The following LMOD1 variants were observed in gnomAD, a reference collection of about 807,000 sequenced individuals.
The protein encoded by LMOD1 is leiomodin 1, also known as leiomodin-1.
In LMOD1, 8 loss-of-function variants were observed where a neutral mutation model predicts 36.5. That is an observed-to-expected ratio of 0.22 (90% CI 0.13 to 0.40). The LOEUF is 0.40. Among genes scored for constraint, LMOD1 ranks in the 10% least tolerant of loss-of-function variants. The pLI is 1.00. For missense variants in LMOD1, 630 were observed against 751.1 expected (o/e 0.84, Z 1.88); for synonymous variants, 284 against 288.7 (o/e 0.98, Z 0.17).
At chr1:201,933,757 C>T (rs1010897905) in intron 1 of LMOD1, among the ~76,000 whole-genome samples, 6 of 151,448 alleles carry the variant, frequency 4.0e-5, no homozygotes, top group Admixed American at 3.3e-4. Flanking sequence ...TGAAACTCCA[C>T]ACTTTTGTGC....
At chr1:201,925,679 TTC>T (rs1553298067) in intron 1 of LMOD1, among the ~76,000 whole-genome samples, 1 of 151,316 alleles carries the variant, frequency 6.6e-6, no homozygotes, top group Non-Finnish European at 1.5e-5. Flanking sequence ...TTTTTTTTTT[TTC>T]AATCTCTTTC....
At chr1:201,921,235 A>C (rs1255215257) in intron 1 of LMOD1, among the ~76,000 whole-genome samples, 1 of 152,102 alleles carries the variant, frequency 6.6e-6, no homozygotes, top group African/African-American at 2.4e-5. Flanking sequence ...CACACCTGTA[A>C]TCCCAGCACT....
At chr1:201,931,406 G>A (rs554582758) in intron 1 of LMOD1, among the ~76,000 whole-genome samples, 4 of 152,082 alleles carry the variant, frequency 2.6e-5, no homozygotes, top group East Asian at 1.9e-4. Flanking sequence ...GTGGCGGTGC[G>A]TGCCTGTAAT....
chr1:201,925,829 C>T (rs1681818659), intron 1 of LMOD1, among the ~76,000 whole-genome samples: 1 of 151,968 alleles, frequency 6.6e-6, no homozygotes, highest in Admixed American at 6.6e-5. Context: ...CTCAGTTTCC[C>T]AAGTAGCTGG....
intron 1 of LMOD1, among the ~76,000 whole-genome samples, chr1:201,923,991 A>T (rs1681755007): frequency 6.6e-6 from 1 of 151,538 alleles, no homozygotes; most frequent in Non-Finnish European, 1.5e-5. Flanking sequence ...AAAGAAAAAG[A>T]AAAGAAAGAA....
At chr1:201,938,925 C>CAA (rs1325514572) in intron 1 of LMOD1, among the ~76,000 whole-genome samples, 5 of 152,164 alleles carry the variant, frequency 3.3e-5, no homozygotes, top group Admixed American at 1.3e-4. Context: ...GAATCCACCT[C>CAA]AAAATCTTCT....
chr1:201,913,812 G>A (rs979394983), intron 1 of LMOD1, among the ~76,000 whole-genome samples: 12 of 151,972 alleles, frequency 7.9e-5, no homozygotes, highest in African/African-American at 2.9e-4. Context: ...TCCTGTTTAA[G>A]GCTGAATAGT....
intron 1 of LMOD1, among the ~76,000 whole-genome samples, chr1:201,912,732 G>A (rs1333448647): frequency 2.0e-5 from 3 of 152,004 alleles, no homozygotes; most frequent in South Asian, 2.1e-4. Context: ...GGTGGCGGGC[G>A]CCTGTAATCC....
At chr1:201,929,859 C>T (rs1681889474) in intron 1 of LMOD1, among the ~76,000 whole-genome samples, 1 of 152,180 alleles carries the variant, frequency 6.6e-6, no homozygotes. Context: ...GTGTTACATG[C>T]GAATGGAACA....
In LMOD1 at chr1:201,901,666, A is replaced by ATG. The variant is rs1681326469; in HGVS notation, c.262-916_262-915insCA. On this transcript the variant is annotated intron_variant, in intron 1 of 2. Coordinates refer to ENST00000367288, the MANE Select transcript of LMOD1 (RefSeq NM_012134.3). ...TATATATACATATATATGTGTATAT[A>ATG]TATATATACACATATATATATGTGT... Among the ~76,000 whole-genome samples, 3 of 104,706 alleles carry ATG rather than the reference A, an allele frequency of 2.9e-5. 1 individual carries two copies. Among genetic ancestry groups the ATG allele is most frequent in the African/African-American group, 1.1e-4 (3 of 27,164 alleles). 68.7% of individuals were successfully genotyped at this position (104,706 alleles called of 152,430 possible). A position where few individuals can be genotyped will look rare whatever the true frequency, so the allele number is the denominator to read the frequency against.
At position 201,946,487 on chromosome 1, in the gene LMOD1, G is replaced by A; in HGVS notation, c.-147C>T. The stretch of plus-strand genomic sequence containing the variant: ...GACTGCAGCTCCTTGGCCCTTCTGT[G>A]CTACAGGTGCTGAAGTGTTCACTGG... On this transcript the variant is annotated 5_prime_UTR_variant, in exon 1 of 3. Transcript: ENST00000367288. 2 of 786,666 alleles carry A rather than the reference G, an allele frequency of 2.5e-6. No homozygotes were observed. The highest frequency in any genetic ancestry group is 4.0e-6 in the Non-Finnish European group (2 of 499,278). 48.7% of individuals were successfully genotyped at this position (786,666 alleles called of 1,614,324 possible).
chr1:201,913,851 T>C (rs1681554353), intron 1 of LMOD1, among the ~76,000 whole-genome samples: 1 of 152,184 alleles, frequency 6.6e-6, no homozygotes, highest in Non-Finnish European at 1.5e-5. Flanking sequence ...ACCTTGATAA[T>C]TTTAGCATTT....
chr1:201,939,940 T>C (rs1682085631), intron 1 of LMOD1, among the ~76,000 whole-genome samples: 2 of 152,152 alleles, frequency 1.3e-5, no homozygotes, highest in African/African-American at 2.4e-5. Flanking sequence ...GATAGACAGA[T>C]AAGACCGGGG....
intron 1 of LMOD1, among the ~76,000 whole-genome samples, chr1:201,923,602 C>G (rs1558239805): frequency 6.6e-6 from 1 of 152,044 alleles, no homozygotes; most frequent in Non-Finnish European, 1.5e-5. Context: ...GTGTCTCATG[C>G]CTGTAATCCC....
rs185538107 is a variant in LMOD1, at chr1:201,919,181, G to A, written c.262-18430C>T. 5.3e-5 allele frequency among the ~76,000 whole-genome samples: 8 copies of A among 151,246 alleles called. No individual in the cohort carries two copies. In the East Asian group the frequency reaches 1.2e-3, roughly 22 times the overall value. ...TGGGATTACAGGTGTGAGCCACCAT[G>A]CCTGGCCTCAGTGTGTATCTCTAAA... On this transcript the variant is annotated intron_variant, in intron 1 of 2. Coordinates refer to ENST00000367288, the MANE Select transcript of LMOD1 (RefSeq NM_012134.3).
intron 1 of LMOD1, among the ~76,000 whole-genome samples, chr1:201,933,403 A>C (rs1417064141): frequency 1.3e-5 from 2 of 150,940 alleles, no homozygotes; most frequent in African/African-American, 4.9e-5. Context: ...AACAGGAGCA[A>C]AACTCTGTCT....
intron 1 of LMOD1, among the ~76,000 whole-genome samples, chr1:201,932,022 C>G (rs1681932167): frequency 6.6e-6 from 1 of 152,018 alleles, no homozygotes. Context: ...CACAGAGGCA[C>G]CAATATAGTG....
chr1:201,899,622 G>A lies in LMOD1; in HGVS notation c.1391C>T (p.Thr464Ile), dbSNP rs749194417. Residue 464 changes from threonine (T) to isoleucine (I), a missense_variant, in exon 2 of 3, where the codon ACC (threonine) becomes ATC (isoleucine). Transcript: ENST00000367288. This position sits in a 1 kb window ranked among gnomAD's most constrained non-coding sequence, Gnocchi z 6.3. Reference protein sequence around the residue: ...FELAGPRMTVTNLLSRNMDKQ... With the variant: ...FELAGPRMTVINLLSRNMDKQ... Reference sequence around the variant, plus strand: ...GTCCATGTTGCGGCTGAGCAGATTGGTGACAGTCATTCGGGGCCCGGCCAG... The same window carrying A: ...GTCCATGTTGCGGCTGAGCAGATTGATGACAGTCATTCGGGGCCCGGCCAG... 2.3e-5 allele frequency: 37 copies of A among 1,612,944 alleles called. No individual in the cohort carries two copies. The highest frequency in any genetic ancestry group is 3.0e-5 in the Non-Finnish European group (35 of 1,179,494).
intron 1 of LMOD1, among the ~76,000 whole-genome samples, chr1:201,907,118 G>T (rs763702941): frequency 1.2e-4 from 18 of 152,232 alleles, no homozygotes; most frequent in Non-Finnish European, 2.1e-4. Context: ...CAGGAAAACT[G>T]GGGGCTGTTC....
Sources: allele counts gnomAD v4.1 joint callset (sites outside exome capture counted in the v4.1 genomes callset), GRCh38; gene constraint gnomAD v4.1.1; non-coding constraint Gnocchi (gnomAD v3.1); transcripts MANE v1.5; gene names NCBI Gene and HGNC (gene_info 2026-07-23, HGNC 2026-07-21).